Variants in QRICH1 observed in about 807,000 individuals in gnomAD.
The protein encoded by QRICH1 is transcriptional regulator QRICH1.
A neutral mutation model predicts 87.1 loss-of-function variants in QRICH1; 16 were observed. That is an observed-to-expected ratio of 0.18 (90% CI 0.12 to 0.28). The LOEUF (loss-of-function observed/expected upper bound fraction) is 0.28, where lower values mean the gene tolerates loss of function less well. Among genes scored for constraint, QRICH1 ranks in the 10% least tolerant of loss-of-function variants. The pLI is 1.00. For synonymous variants in QRICH1, 367 were observed against 368.4 expected, an observed-to-expected ratio of 1.00 and a Z score of 0.05; for missense variants, 647 against 951.7, an observed-to-expected ratio of 0.68 and a Z score of 4.21.
At position 49,044,810 on chromosome 3, in the gene QRICH1, A is replaced by G. The variant is rs549221714; in HGVS notation, c.1672-306T>C. Among the ~76,000 whole-genome samples the G allele has an allele frequency of 2.8e-3, 430 of 152,340 alleles. 4 individuals carry two copies. Among genetic ancestry groups the G allele is most frequent in the African/African-American group, 9.7e-3 (405 of 41,580 alleles). On this transcript the variant is annotated intron_variant, in intron 5 of 9. Transcript: ENST00000395443. ...GGGTCAGCCTTCCATTAGATATTGT[A>G]TAAGTTAAACAACATGTGCAAGTCT...
At chr3:49,072,491 A>AC (rs2041859624) in intron 2 of QRICH1, among the ~76,000 whole-genome samples, 1 of 150,832 alleles carries the variant, frequency 6.6e-6, no homozygotes, top group Non-Finnish European at 1.5e-5. Flanking sequence ...ATACCGCTGC[A>AC]CTCCAACCTA....
chr3:49,030,474 G>A lies in QRICH1; in HGVS notation c.2309C>T (p.Ala770Val), dbSNP rs2093228853. 4.3e-6 allele frequency: 7 copies of A among 1,613,524 alleles called. No individual in the cohort carries two copies. The highest frequency in any genetic ancestry group is 5.9e-6 in the Non-Finnish European group (7 of 1,180,008). Residue 770 changes from alanine (A) to valine (V), a missense_variant, in exon 10 of 10, where the codon GCC becomes GTC. By Grantham distance (64) the Ala-to-Val change is moderately conservative. Around this residue, in one of 7 missense-constraint regions of QRICH1, gnomAD observed 56 missense variants for 79.4 expected, o/e 0.71. Transcript: ENST00000395443. Reference sequence around the variant, plus strand: ...ATCTCAGTGCATAGTGCTTGCATTGGCCACTGCGATGGCCTCCTGAATTTC... The same window carrying A: ...ATCTCAGTGCATAGTGCTTGCATTGACCACTGCGATGGCCTCCTGAATTTC... ...IREIQEAIAV[A>V]NASTMH
In QRICH1 at chr3:49,066,970, G is replaced by C. The variant is rs191181506; in HGVS notation, c.310-9080C>G. 6.1e-3 allele frequency among the ~76,000 whole-genome samples: 923 copies of C among 151,896 alleles called. 17 individuals carry two copies. Among genetic ancestry groups the C allele is most frequent in the Non-Finnish European group, 3.9e-3 (264 of 67,964 alleles). On this transcript the variant is annotated intron_variant, in intron 2 of 9. Coordinates refer to ENST00000395443, the MANE Select transcript of QRICH1 (RefSeq NM_198880.3). ...GGACAATAGCTTGAACCTGGGGGGC[G>C]GAGGTTGCAGTGAGCCGAGAACATG...
chr3:49,051,712 G>C (rs964486951), intron 3 of QRICH1, among the ~76,000 whole-genome samples: 1 of 151,128 alleles, frequency 6.6e-6, no homozygotes, highest in African/African-American at 2.4e-5. Context: ...CTATTCTCCT[G>C]AGTTACCTCT....
chr3:49,071,504 T>C (rs1352323806), intron 2 of QRICH1, among the ~76,000 whole-genome samples: 1 of 152,188 alleles, frequency 6.6e-6, no homozygotes, highest in Non-Finnish European at 1.5e-5. Context: ...CAATGGCTCA[T>C]GCCTGCACTT....
intron 6 of QRICH1, among the ~76,000 whole-genome samples, chr3:49,034,207 C>T (rs1292084800): frequency 6.6e-6 from 1 of 151,226 alleles, no homozygotes; most frequent in African/African-American, 2.4e-5. Flanking sequence ...CTTTGGGAGG[C>T]GGAGGTGGGA....
At chr3:49,074,802 C>A (rs1176026804) in intron 2 of QRICH1, among the ~76,000 whole-genome samples, 1 of 151,170 alleles carries the variant, frequency 6.6e-6, no homozygotes, top group Non-Finnish European at 1.5e-5. Context: ...CATGGTGAAA[C>A]CCCGTCTCTA....
At chr3:49,030,991 CTTTTTTTT>C (rs1162254467) in intron 9 of QRICH1, among the ~76,000 whole-genome samples, 1 of 132,452 alleles carries the variant, frequency 7.5e-6, no homozygotes, top group African/African-American at 2.8e-5. Context: ...AGTCTTTGCG[CTTTTTTTT>C]TTTTTTTTTT....
chr3:49,059,707 CCA>C (rs1235928204), intron 2 of QRICH1, among the ~76,000 whole-genome samples: 1 of 151,222 alleles, frequency 6.6e-6, no homozygotes, highest in African/African-American at 2.4e-5. Context: ...CAGGCTTGAG[CCA>C]CCATGCCTAG....
At chr3:49,071,889 G>A (rs755285378) in intron 2 of QRICH1, among the ~76,000 whole-genome samples, 4 of 152,084 alleles carry the variant, frequency 2.6e-5, no homozygotes, top group East Asian at 1.9e-4. Context: ...ACAGGATTTC[G>A]CCATGTTGCC....
At chr3:49,077,498 A>C (rs1170964808) in intron 1 of QRICH1, among the ~76,000 whole-genome samples, 1 of 152,212 alleles carries the variant, frequency 6.6e-6, no homozygotes, top group Non-Finnish European at 1.5e-5. Flanking sequence ...TATGCCACCT[A>C]GTTGTGGCAA....
At chr3:49,073,076 T>C (rs994093328) in intron 2 of QRICH1, among the ~76,000 whole-genome samples, 2 of 151,792 alleles carry the variant, frequency 1.3e-5, no homozygotes, top group Admixed American at 6.6e-5. Context: ...AAGGGAAACC[T>C]TCTATCTCAC....
At chr3:49,038,227 A>AT (rs980661443) in intron 6 of QRICH1, among the ~76,000 whole-genome samples, 6 of 151,208 alleles carry the variant, frequency 4.0e-5, no homozygotes, top group Non-Finnish European at 7.4e-5. Context: ...CGCCCAGCTA[A>AT]TTTTTTTGTA....
Position 49,076,994 on chromosome 3 carries a change from G to C in QRICH1, c.24C>G (p.Thr8=). 3 of 1,512,224 alleles carry C rather than the reference G, an allele frequency of 2.0e-6. No individual in the cohort carries two copies. Among genetic ancestry groups the C allele is most frequent in the Non-Finnish European group, 2.7e-6 (3 of 1,120,796 alleles). 93.7% of individuals were successfully genotyped at this position (1,512,224 alleles called of 1,614,324 possible). The change falls in exon 2 of 10, where the codon ACC becomes ACG. Residue 8 remains threonine, a synonymous_variant. Coordinates refer to ENST00000395443, the MANE Select transcript of QRICH1 (RefSeq NM_198880.3). ...CTCGGATGTACTCTTCAAAGGAGAT[G>C]GTGTTCTCTAGGGAATTATTCATAT... is the stretch of plus-strand genomic sequence containing the variant. The part of the protein sequence containing the change: MNNSLEN[T]ISFEEYIRVK...
In QRICH1 at chr3:49,090,830, G is replaced by A. The variant is rs1351952220; in HGVS notation, c.-22+3082C>T. 2.0e-5 allele frequency among the ~76,000 whole-genome samples: 3 copies of A among 152,208 alleles called. No individual in the cohort carries two copies. In the East Asian group the frequency reaches 5.8e-4, roughly 29 times the overall value. On this transcript the variant is annotated intron_variant, in intron 1 of 9. Transcript: ENST00000395443. Reference sequence around the variant, plus strand: ...TTAATAACAGAAATCACAATCTAATGTAATAACTAGGAAAAAATACAAAGG... The same window carrying A: ...TTAATAACAGAAATCACAATCTAATATAATAACTAGGAAAAAATACAAAGG...
chr3:49,046,002 A>T (rs902867710), intron 5 of QRICH1, among the ~76,000 whole-genome samples: 2 of 149,212 alleles, frequency 1.3e-5, no homozygotes, highest in East Asian at 4.0e-4. Flanking sequence ...TGCAACCTCT[A>T]CCTCCCGGGT....
chr3:49,066,628 G>A (rs1469536734), intron 2 of QRICH1, among the ~76,000 whole-genome samples: 6 of 151,766 alleles, frequency 4.0e-5, no homozygotes, highest in Non-Finnish European at 5.9e-5. Context: ...CCCGTGCCTG[G>A]CTAATTTTCT....
Position 49,076,321 on chromosome 3 carries a change from C to T in QRICH1, c.309+388G>A, listed in dbSNP as rs959535024. On this transcript the variant is annotated intron_variant, in intron 2 of 9. Transcript: ENST00000395443. The stretch of plus-strand genomic sequence containing the variant: ...CGCCGGCGGGGTCACGTGCCGGGAC[C>T]GGGTTCCGGTGTGGAGAGCCCCTCA... Among the ~76,000 whole-genome samples, 2 of 152,194 alleles carry T rather than the reference C, an allele frequency of 1.3e-5. 1 individual carries two copies. Among genetic ancestry groups the T allele is most frequent in the Non-Finnish European group, 2.9e-5 (2 of 68,028 alleles).
At chr3:49,030,735 G>GT in intron 9 of QRICH1, 91 bp from the exon 10 acceptor site, 1 of 1,142,152 alleles carries the variant, frequency 8.8e-7, no homozygotes, top group Non-Finnish European at 1.2e-6. Context: ...TCTGCAAACA[G>GT]TAAGGCCCCA....
Sources: allele counts gnomAD v4.1 joint callset (sites outside exome capture counted in the v4.1 genomes callset), GRCh38; gene constraint gnomAD v4.1.1; regional missense constraint gnomAD v4.1.1; transcripts MANE v1.5; gene names NCBI Gene and HGNC (gene_info 2026-07-23, HGNC 2026-07-21).